Variants in PGCKA1 observed in about 807,000 individuals in gnomAD.
PGCKA1 encodes PDCD10 and GCKIII kinases associated 1.
the PGCKA1 span, among the ~76,000 whole-genome samples, chr4:37,530,984 C>G: frequency 6.6e-6 from 1 of 151,208 alleles, no homozygotes; most frequent in Non-Finnish European, 1.5e-5. Flanking sequence ...GACTCTGTCT[C>G]AAAAGCAAAG....
chr4:37,462,918 C>T, the PGCKA1 span, among the ~76,000 whole-genome samples: 9 of 144,254 alleles, frequency 6.2e-5, no homozygotes, highest in Non-Finnish European at 1.0e-4. Context: ...ATGGCATGAA[C>T]CTGGACTGCA....
the PGCKA1 span, among the ~76,000 whole-genome samples, chr4:37,532,958 TGGG>T: frequency 6.9e-6 from 1 of 143,950 alleles, no homozygotes; most frequent in African/African-American, 2.5e-5. Context: ...TTTGGGGACT[TGGG>T]GGGAACAGTG....
the PGCKA1 span, among the ~76,000 whole-genome samples, chr4:37,521,075 C>A: frequency 1.6e-4 from 24 of 151,992 alleles, no homozygotes; most frequent in African/African-American, 5.8e-4. Flanking sequence ...CTCCTCTGAT[C>A]TTCATTATTT....
chr4:37,485,947 T>C, the PGCKA1 span, among the ~76,000 whole-genome samples: 2 of 152,226 alleles, frequency 1.3e-5, no homozygotes, highest in African/African-American at 4.8e-5. Context: ...AGGTTCCCCC[T>C]GTACATAGCC....
the PGCKA1 span, among the ~76,000 whole-genome samples, chr4:37,574,147 C>G: frequency 6.6e-6 from 1 of 151,368 alleles, no homozygotes; most frequent in Non-Finnish European, 1.5e-5. Flanking sequence ...AAGATCATGC[C>G]ACTATACTCC....
At chr4:37,571,519 T>C in the PGCKA1 span, among the ~76,000 whole-genome samples, 1 of 150,664 alleles carries the variant, frequency 6.6e-6, no homozygotes, top group Non-Finnish European at 1.5e-5. Context: ...CCTGCCACCG[T>C]GCCCAGCTAA....
At chr4:37,536,556 A>T in the PGCKA1 span, among the ~76,000 whole-genome samples, 4 of 152,136 alleles carry the variant, frequency 2.6e-5, no homozygotes, top group African/African-American at 9.7e-5. Context: ...GGGTCTGAAA[A>T]GGTACACTTC....
At chr4:37,536,434 T>C in the PGCKA1 span, among the ~76,000 whole-genome samples, 2 of 152,132 alleles carry the variant, frequency 1.3e-5, no homozygotes, top group African/African-American at 4.8e-5. Flanking sequence ...GATAATGGGG[T>C]GCCTCTAGTT....
chr4:37,570,244 G>A, the PGCKA1 span, among the ~76,000 whole-genome samples: 2 of 139,924 alleles, frequency 1.4e-5, no homozygotes, highest in Admixed American at 7.8e-5. Context: ...TTGAGCCGCC[G>A]ACCTCGGCCT....
the PGCKA1 span, among the ~76,000 whole-genome samples, chr4:37,551,916 A>G: frequency 6.6e-6 from 1 of 152,228 alleles, no homozygotes; most frequent in East Asian, 1.9e-4. Context: ...ATTGCACAAA[A>G]AGACATAAGT....
At chr4:37,586,725 C>T in the PGCKA1 span, among the ~76,000 whole-genome samples, 1 of 152,158 alleles carries the variant, frequency 6.6e-6, no homozygotes, top group African/African-American at 2.4e-5. Flanking sequence ...GCCTGGCCAG[C>T]ATGGTGAAAC....
At chr4:37,498,429 A>G in the PGCKA1 span, among the ~76,000 whole-genome samples, 1 of 152,138 alleles carries the variant, frequency 6.6e-6, no homozygotes, top group Non-Finnish European at 1.5e-5. Flanking sequence ...TGTTTTTTCT[A>G]ACTCTGTGAA....
chr4:37,539,062 T>G, the PGCKA1 span, among the ~76,000 whole-genome samples: 2 of 151,860 alleles, frequency 1.3e-5, no homozygotes, highest in African/African-American at 4.8e-5. Flanking sequence ...GTGTTTGGAG[T>G]TCCAAGCTAA....
the PGCKA1 span, among the ~76,000 whole-genome samples, chr4:37,505,173 A>G: frequency 6.6e-6 from 1 of 152,194 alleles, no homozygotes; most frequent in Admixed American, 6.5e-5. Flanking sequence ...ACCAATTGAA[A>G]TGATTACATC....
chr4:37,590,580 A>G, the PGCKA1 span: 58 of 1,614,064 alleles, frequency 3.6e-5, no homozygotes, highest in Non-Finnish European at 4.6e-5. Flanking sequence ...TTGCCTTGGA[A>G]GTACAAGACC....
chr4:37,554,204 C>T, the PGCKA1 span, among the ~76,000 whole-genome samples: 12 of 152,172 alleles, frequency 7.9e-5, no homozygotes, highest in Non-Finnish European at 1.5e-4. Flanking sequence ...CTTCACCATC[C>T]GCCATGATTG....
At chr4:37,583,360 T>C in the PGCKA1 span, among the ~76,000 whole-genome samples, 1 of 152,126 alleles carries the variant, frequency 6.6e-6, no homozygotes, top group Non-Finnish European at 1.5e-5. Context: ...ATTGCTACCC[T>C]CCCAGCAAGG....
At chr4:37,490,822 G>C in the PGCKA1 span, among the ~76,000 whole-genome samples, 1 of 152,064 alleles carries the variant, frequency 6.6e-6, no homozygotes, top group African/African-American at 2.4e-5. Context: ...CCAGATTTCT[G>C]TGTGTTTGTG....
the PGCKA1 span, among the ~76,000 whole-genome samples, chr4:37,493,945 T>C: frequency 1.3e-5 from 2 of 152,258 alleles, no homozygotes; most frequent in African/African-American, 2.4e-5. Context: ...GTTATGTTTA[T>C]GTACCACATT....
Sources: allele counts gnomAD v4.1 joint callset (sites outside exome capture counted in the v4.1 genomes callset), GRCh38; gene constraint gnomAD v4.1.1; transcripts MANE v1.5; gene names NCBI Gene and HGNC (gene_info 2026-07-23, HGNC 2026-07-21).